The following PDS5B variants were observed in gnomAD, a reference collection of about 807,000 sequenced individuals.
PDS5B encodes PDS5 cohesin associated factor B.
A neutral mutation model predicts 184.1 loss-of-function variants in PDS5B; 51 were observed. The observed-to-expected ratio is 0.28, with a 90% CI of 0.22 to 0.35. PDS5B has a LOEUF of 0.35. Among genes scored for constraint, PDS5B ranks in the 10% least tolerant of loss-of-function variants. The pLI is 1.00. For synonymous variants in PDS5B, 566 were observed against 569.2 expected, an observed-to-expected ratio of 0.99 and a Z score of 0.08; for missense variants, 1,180 against 1,723.3, an observed-to-expected ratio of 0.68 and a Z score of 5.58.
At chr13:32,635,416 T>C (rs2058532875) in intron 1 of PDS5B, among the ~76,000 whole-genome samples, 1 of 145,686 alleles carries the variant, frequency 6.9e-6, no homozygotes, top group Non-Finnish European at 1.5e-5. Context: ...TGATCTTGGC[T>C]CACTACAACC....
chr13:32,631,099 A>C (rs1309259413), intron 1 of PDS5B, among the ~76,000 whole-genome samples: 1 of 133,410 alleles, frequency 7.5e-6, no homozygotes, highest in African/African-American at 2.9e-5. Context: ...GGCCATCTCT[A>C]TTGATTCTTT....
intron 1 of PDS5B, among the ~76,000 whole-genome samples, chr13:32,622,338 T>TC (rs1331933993): frequency 6.6e-6 from 1 of 152,196 alleles, no homozygotes; most frequent in African/African-American, 2.4e-5. Context: ...TTTTTACATT[T>TC]CCTAACATAT....
At chr13:32,732,247 G>A (rs199687463) in intron 20 of PDS5B, 23 bp downstream of exon 20, 1 of 1,545,624 alleles carries the variant, frequency 6.5e-7, no homozygotes. Flanking sequence ...AAATTTTCTT[G>A]TTTATTTCAT....
intron 14 of PDS5B, among the ~76,000 whole-genome samples, chr13:32,696,565 A>G (rs895726996): frequency 5.3e-5 from 8 of 151,626 alleles, no homozygotes; most frequent in Admixed American, 4.6e-4. Flanking sequence ...AAAAAACAAA[A>G]CCCCAAAATA....
intron 19 of PDS5B, among the ~76,000 whole-genome samples, chr13:32,727,171 T>C (rs924024604): frequency 6.6e-5 from 10 of 152,196 alleles, no homozygotes; most frequent in Non-Finnish European, 1.0e-4. Context: ...TATGATTTTA[T>C]CTTTACTATT....
Position 32,777,009 on chromosome 13 carries a change from A to T in PDS5B, c.*1957A>T, listed in dbSNP as rs1182374541. The T allele has an allele frequency of 6.6e-6, 1 of 152,424 alleles. No individual in the cohort carries two copies. The highest frequency in any genetic ancestry group is 2.4e-5 in the African/African-American group (1 of 41,448). The allele number at this position is 152,424 out of a possible 1,614,324, so 9.4% of individuals were successfully genotyped here. ...CTTAGCTCGGTTCTCCCAAACACAT[A>T]ATTTCTGTTTCAGCAGTACAAAGGC... On this transcript the variant is annotated 3_prime_UTR_variant, in exon 35 of 35. Coordinates refer to ENST00000315596, the MANE Select transcript of PDS5B (RefSeq NM_015032.4).
At chr13:32,657,743 A>G (rs1412983225) in intron 3 of PDS5B, among the ~76,000 whole-genome samples, 4 of 152,292 alleles carry the variant, frequency 2.6e-5, no homozygotes, top group Non-Finnish European at 4.4e-5. Flanking sequence ...GGTAATTACA[A>G]TGATTGGTAG....
At chr13:32,617,317 T>TA (rs1347751443) in intron 1 of PDS5B, among the ~76,000 whole-genome samples, 1 of 152,212 alleles carries the variant, frequency 6.6e-6, no homozygotes, top group Non-Finnish European at 1.5e-5. Context: ...TTATTGTAGT[T>TA]ACATTATCAG....
chr13:32,674,682 G>A (rs1951020398), intron 8 of PDS5B, among the ~76,000 whole-genome samples: 1 of 151,706 alleles, frequency 6.6e-6, no homozygotes, highest in South Asian at 2.1e-4. Context: ...TATTATAAGT[G>A]TCATAAGAGA....
chr13:32,770,746 A>G lies in PDS5B; in HGVS notation c.4157A>G (p.Gln1386Arg). The change falls in exon 33 of 35, where the codon CAA becomes CGA. Residue 1386 changes from glutamine (Q) to arginine (R), a missense_variant. By Grantham distance (43) the Gln-to-Arg change is conservative. This residue lies in a region of PDS5B where 465 missense variants were observed against 497.8 expected (regional missense o/e 0.93). Transcript: ENST00000315596. The part of the protein sequence containing the change: ...GRPSKTPSPS[Q>R]PKKNVRVGRS... ...CCATCAAAAACGCCATCACCATCAC[A>G]ACCAAAAAAAAATGTGTAAGTTGTA... is the stretch of plus-strand genomic sequence containing the variant. 1 of 1,604,772 alleles carries G rather than the reference A, an allele frequency of 6.2e-7. No individual in the cohort carries two copies. Among genetic ancestry groups the G allele is most frequent in the Non-Finnish European group, 8.5e-7 (1 of 1,175,212 alleles).
chr13:32,600,635 T>G (rs945330255), intron 1 of PDS5B, among the ~76,000 whole-genome samples: 2 of 152,066 alleles, frequency 1.3e-5, no homozygotes, highest in Non-Finnish European at 2.9e-5. Context: ...GCTGCTTGGG[T>G]GGCTGAGGCA....
intron 19 of PDS5B, among the ~76,000 whole-genome samples, chr13:32,713,909 A>C (rs1952285199): frequency 6.6e-6 from 1 of 152,180 alleles, no homozygotes; most frequent in African/African-American, 2.4e-5. Context: ...ACCTGCCCCG[A>C]TAATCATGTA....
At chr13:32,590,150 A>G (rs2057752406) in intron 1 of PDS5B, among the ~76,000 whole-genome samples, 1 of 152,250 alleles carries the variant, frequency 6.6e-6, no homozygotes. Context: ...AATTAAAAAT[A>G]CTTGGTTTAG....
intron 1 of PDS5B, among the ~76,000 whole-genome samples, chr13:32,632,629 A>T (rs1187769200): frequency 6.6e-6 from 1 of 152,260 alleles, no homozygotes; most frequent in Non-Finnish European, 1.5e-5. Context: ...CCATAAACTT[A>T]GCAATTCCAC....
At chr13:32,759,445 A>G (rs1262660145) in intron 28 of PDS5B, among the ~76,000 whole-genome samples, 183 bp from the exon 29 acceptor site, 1 of 152,200 alleles carries the variant, frequency 6.6e-6, no homozygotes, top group East Asian at 1.9e-4. Context: ...TTTTGTTAAT[A>G]TTAGAGTTGG....
At chr13:32,715,903 C>T (rs1430742034) in intron 19 of PDS5B, among the ~76,000 whole-genome samples, 9 of 151,758 alleles carry the variant, frequency 5.9e-5, no homozygotes, top group South Asian at 2.1e-4. Context: ...GCGAGTGATC[C>T]GCCAGCCTCG....
At chr13:32,685,474 G>A (rs1056263653) in intron 11 of PDS5B, among the ~76,000 whole-genome samples, 1 of 152,050 alleles carries the variant, frequency 6.6e-6, no homozygotes, top group African/African-American at 2.4e-5. Context: ...TATATTGTAT[G>A]GTTGCTTGGT....
chr13:32,753,524 G>A lies in PDS5B; in HGVS notation c.2929G>A (p.Ala977Thr). The A allele has an allele frequency of 6.2e-7, 1 of 1,612,230 alleles. No individual in the cohort carries two copies. Among genetic ancestry groups the A allele is most frequent in the Non-Finnish European group, 8.5e-7 (1 of 1,178,624 alleles). ...AAGGCGGGAGTATCTGAAGCAGCAT[G>A]CAGCTGTTAGTGGTAAGCATATAAG... The part of the protein sequence containing the change: ...NVRREYLKQH[A>T]AVSEKLLSLL... Residue 977 changes from alanine (A) to threonine (T), a missense_variant, in exon 25 of 35, where the codon GCA becomes ACA. Ala to Thr is a moderately conservative substitution (Grantham distance 58). Transcript: ENST00000315596.
chr13:32,660,177 TCTACC>T (rs1950606471), intron 6 of PDS5B, among the ~76,000 whole-genome samples: 1 of 152,108 alleles, frequency 6.6e-6, no homozygotes, highest in Non-Finnish European at 1.5e-5. Context: ...ATGTCCTGAC[TCTACC>T]CAGCCCAGCC....
Sources: gnomAD v4.1 joint callset for allele counts (sites outside exome capture counted in the v4.1 genomes callset) on GRCh38, gnomAD v4.1.1 for gene constraint, gnomAD v4.1.1 regional missense constraint, MANE v1.5 for transcripts, NCBI Gene and HGNC (gene_info 2026-07-23, HGNC 2026-07-21) for gene names.